The following PAFAH1B1 variants were observed in gnomAD, a reference collection of about 807,000 sequenced individuals.
PAFAH1B1 encodes the protein platelet-activating factor acetylhydrolase IB subunit beta.
PAFAH1B1 carries 2 observed loss-of-function variants against 57.5 expected under a neutral mutation model. That is an observed-to-expected ratio of 0.03 (90% CI 0.01 to 0.11). The LOEUF (loss-of-function observed/expected upper bound fraction) is 0.11, where lower values mean the gene tolerates loss of function less well. Ranked by LOEUF, PAFAH1B1 falls within the 10% of genes least tolerant of loss-of-function variation. PAFAH1B1 has a pLI of 1.00. For synonymous variants in PAFAH1B1, 152 were observed against 169.6 expected (o/e 0.90, Z 0.81); for missense variants, 257 against 512.0 (o/e 0.50, Z 4.81).
chr17:2,619,829 G>A (rs1490680743), intron 1 of PAFAH1B1, among the ~76,000 whole-genome samples: 1 of 152,100 alleles, frequency 6.6e-6, no homozygotes, highest in Non-Finnish European at 1.5e-5. Context: ...ACCCATGCTG[G>A]AGTACCGTGG....
At chr17:2,650,282 C>T (rs9894388) in intron 2 of PAFAH1B1, among the ~76,000 whole-genome samples, 20,067 of 148,968 alleles carry the variant, frequency 0.13, 1,658 homozygotes, top group South Asian at 0.3. Flanking sequence ...GAGGCCGAGG[C>T]GGGTGGATCA....
intron 2 of PAFAH1B1, among the ~76,000 whole-genome samples, chr17:2,655,779 G>A (rs1352282957): frequency 8.7e-5 from 13 of 149,726 alleles, no homozygotes; most frequent in African/African-American, 3.2e-4. Context: ...TTACCCGACC[G>A]ATGTGAAAAA....
At chr17:2,675,703 T>C (rs1597576552) in intron 8 of PAFAH1B1, among the ~76,000 whole-genome samples, 1 of 151,612 alleles carries the variant, frequency 6.6e-6, no homozygotes, top group South Asian at 2.1e-4. Flanking sequence ...TAGCTAGGTG[T>C]GGTGGTACAC....
chr17:2,676,269 T>C (rs904760122), intron 8 of PAFAH1B1: 2 of 451,602 alleles, frequency 4.4e-6, no homozygotes, highest in Admixed American at 3.4e-5. Flanking sequence ...TCACATCTAC[T>C]TGGGAGGCTG....
At chr17:2,676,086 A>C (rs2069261274) in intron 8 of PAFAH1B1, among the ~76,000 whole-genome samples, 1 of 152,208 alleles carries the variant, frequency 6.6e-6, no homozygotes, top group Non-Finnish European at 1.5e-5. Flanking sequence ...AGATAAAAAC[A>C]AATTGGGCTG....
intron 1 of PAFAH1B1, among the ~76,000 whole-genome samples, chr17:2,608,774 ATTTG>A (rs1304390093): frequency 1.3e-5 from 2 of 152,312 alleles, no homozygotes; most frequent in East Asian, 1.9e-4. Context: ...ATAAAAAATG[ATTTG>A]TTTGTTTTTG....
chr17:2,616,829 C>T (rs769726748), intron 1 of PAFAH1B1, among the ~76,000 whole-genome samples: 1 of 151,508 alleles, frequency 6.6e-6, no homozygotes, highest in Non-Finnish European at 1.5e-5. Flanking sequence ...TTTGGGAGGC[C>T]GAGGCGAACA....
chr17:2,677,679 C>T (rs891199607), intron 9 of PAFAH1B1, among the ~76,000 whole-genome samples: 2 of 151,840 alleles, frequency 1.3e-5, no homozygotes, highest in African/African-American at 2.4e-5. Flanking sequence ...ATGGTGAAAC[C>T]CCGTCTCTAC....
chr17:2,596,315 T>C (rs915002074), intron 1 of PAFAH1B1, among the ~76,000 whole-genome samples: 1 of 152,212 alleles, frequency 6.6e-6, no homozygotes, highest in Non-Finnish European at 1.5e-5. Flanking sequence ...ACAGGAATAC[T>C]GCAATAATCT....
At chr17:2,600,433 G>A (rs2068128253) in intron 1 of PAFAH1B1, among the ~76,000 whole-genome samples, 2 of 151,508 alleles carry the variant, frequency 1.3e-5, no homozygotes, top group Admixed American at 6.6e-5. Context: ...AGCCAGGTGT[G>A]GTGGTGGGTG....
chr17:2,604,755 C>A (rs773188990), intron 1 of PAFAH1B1, among the ~76,000 whole-genome samples: 9 of 152,006 alleles, frequency 5.9e-5, no homozygotes, highest in Admixed American at 1.3e-4. Context: ...TTGGAGTGAG[C>A]CGAGATGGCG....
chr17:2,642,533 A>G (rs369521443), intron 2 of PAFAH1B1: 1 of 152,248 alleles, frequency 6.6e-6, no homozygotes, highest in Non-Finnish European at 1.5e-5. Context: ...CGTTAGATAC[A>G]TGCAAATATT....
At chr17:2,672,602 C>A in intron 6 of PAFAH1B1, 53 bp from the exon 7 acceptor site, 1 of 1,206,746 alleles carries the variant, frequency 8.3e-7, no homozygotes, top group Non-Finnish European at 1.2e-6. Context: ...ATTGATGTTT[C>A]ATTGCTCTTG....
chr17:2,670,524 A>G (rs1337036595), intron 6 of PAFAH1B1, 193 bp downstream of exon 6: 12 of 594,334 alleles, frequency 2.0e-5, no homozygotes, highest in Non-Finnish European at 1.5e-5. Flanking sequence ...AGTTTTAAGT[A>G]TCTTTTAGTA....
chr17:2,669,407 G>A (rs1271218509), intron 5 of PAFAH1B1, among the ~76,000 whole-genome samples: 2 of 151,866 alleles, frequency 1.3e-5, no homozygotes, highest in East Asian at 1.9e-4. Flanking sequence ...GAGTACAGGC[G>A]CCCACCACTG....
At chr17:2,655,127 A>AT (rs1315432246) in intron 2 of PAFAH1B1, among the ~76,000 whole-genome samples, 2 of 151,392 alleles carry the variant, frequency 1.3e-5, no homozygotes, top group African/African-American at 4.9e-5. Flanking sequence ...TTCTTTGGAA[A>AT]TTTTTGATTT....
chr17:2,603,036 C>CT (rs2068163267), intron 1 of PAFAH1B1, among the ~76,000 whole-genome samples: 1 of 152,238 alleles, frequency 6.6e-6, no homozygotes, highest in African/African-American at 2.4e-5. Flanking sequence ...TGCTCACACT[C>CT]TAATATATAT....
chr17:2,633,145 T>C (rs2068575673), intron 1 of PAFAH1B1, among the ~76,000 whole-genome samples: 1 of 151,970 alleles, frequency 6.6e-6, no homozygotes. Context: ...CATCAAGATT[T>C]ATTTTTTTCT....
chr17:2,672,630 AAT>A, intron 6 of PAFAH1B1, 23 bp from the exon 7 acceptor site: 2 of 1,433,842 alleles, frequency 1.4e-6, no homozygotes, highest in Non-Finnish European at 2.0e-6. Flanking sequence ...ATTACTTCAT[AAT>A]ATATTGCTGT....
Sources: gnomAD v4.1 joint callset for allele counts (sites outside exome capture counted in the v4.1 genomes callset) on GRCh38, gnomAD v4.1.1 for gene constraint, MANE v1.5 for transcripts, NCBI Gene and HGNC (gene_info 2026-07-23, HGNC 2026-07-21) for gene names.